The following GPC6 variants were observed in gnomAD, a reference collection of about 807,000 sequenced individuals.
The protein encoded by GPC6 is glypican-6.
In GPC6, 14 loss-of-function variants were observed where a neutral mutation model predicts 55.2. That is an observed-to-expected ratio of 0.25 (90% CI 0.17 to 0.40). GPC6 has a LOEUF of 0.40. GPC6 is among the 10% of genes least tolerant of loss of function. GPC6 has a pLI of 1.00. For missense variants in GPC6, 641 were observed against 708.5 expected (o/e 0.90, Z 1.08); for synonymous variants, 278 against 259.6 (o/e 1.07, Z -0.68).
intron 1 of GPC6, among the ~76,000 whole-genome samples, chr13:93,330,316 G>A (rs1879799861): frequency 6.6e-6 from 1 of 152,120 alleles, no homozygotes; most frequent in Non-Finnish European, 1.5e-5. Context: ...CTTGAGCCCA[G>A]GAGTTTGAGA....
chr13:94,273,569 G>A (rs1304690947), intron 4 of GPC6, among the ~76,000 whole-genome samples: 1 of 152,156 alleles, frequency 6.6e-6, no homozygotes, highest in Non-Finnish European at 1.5e-5. Flanking sequence ...CTTGTAAAAT[G>A]GTGAAGCACG....
intron 4 of GPC6, among the ~76,000 whole-genome samples, chr13:94,169,351 T>C (rs1198184670): frequency 6.6e-6 from 1 of 152,102 alleles, no homozygotes; most frequent in African/African-American, 2.4e-5. Flanking sequence ...GGATTTTAAA[T>C]ACTTTAAAGT....
At chr13:93,461,344 A>G (rs905325443) in intron 1 of GPC6, among the ~76,000 whole-genome samples, 3 of 152,146 alleles carry the variant, frequency 2.0e-5, no homozygotes, top group Non-Finnish European at 2.9e-5. Flanking sequence ...TCAGCAATCA[A>G]GTTTTTCCTT....
intron 4 of GPC6, among the ~76,000 whole-genome samples, chr13:94,235,965 A>G (rs111767749): frequency 6.6e-6 from 1 of 152,200 alleles, no homozygotes; most frequent in Non-Finnish European, 1.5e-5. Flanking sequence ...CTTGTCCAGT[A>G]TTAATAACAA....
At chr13:93,440,012 C>T (rs1877728212) in intron 1 of GPC6, among the ~76,000 whole-genome samples, 1 of 152,258 alleles carries the variant, frequency 6.6e-6, no homozygotes, top group Non-Finnish European at 1.5e-5. Context: ...CACAGACAAT[C>T]AACAATACCC....
chr13:93,810,890 A>G (rs905234876), intron 2 of GPC6, among the ~76,000 whole-genome samples: 2 of 152,194 alleles, frequency 1.3e-5, no homozygotes, highest in African/African-American at 4.8e-5. Context: ...TAAGAAACTG[A>G]TAACCAGTTT....
At chr13:93,723,893 C>G (rs553412990) in intron 2 of GPC6, among the ~76,000 whole-genome samples, 1 of 151,928 alleles carries the variant, frequency 6.6e-6, no homozygotes, top group Non-Finnish European at 1.5e-5. Flanking sequence ...ATAAAGATCT[C>G]TCTGTCTTTC....
chr13:93,391,026 G>A (rs1875611982), intron 1 of GPC6, among the ~76,000 whole-genome samples: 2 of 151,988 alleles, frequency 1.3e-5, no homozygotes, highest in African/African-American at 4.8e-5. Flanking sequence ...ATCATGGGTA[G>A]TGTGCCTGGT....
chr13:93,861,628 T>C (rs1414612622), intron 3 of GPC6, among the ~76,000 whole-genome samples: 1 of 151,650 alleles, frequency 6.6e-6, no homozygotes, highest in African/African-American at 2.4e-5. Context: ...GTTTTGCTTT[T>C]ATTGCAGCTG....
chr13:93,686,974 T>C (rs1043740145), intron 2 of GPC6, among the ~76,000 whole-genome samples: 2 of 152,058 alleles, frequency 1.3e-5, no homozygotes, highest in Non-Finnish European at 2.9e-5. Context: ...AAAGCCTATA[T>C]AACATTTTAT....
chr13:93,591,990 A>G (rs1877512293), intron 2 of GPC6, among the ~76,000 whole-genome samples: 1 of 152,206 alleles, frequency 6.6e-6, no homozygotes, highest in Admixed American at 6.5e-5. Flanking sequence ...TTCTTTGAAC[A>G]TCAAAAGTTA....
intron 4 of GPC6, among the ~76,000 whole-genome samples, chr13:94,282,716 A>T (rs956269599): frequency 6.6e-6 from 1 of 152,202 alleles, no homozygotes; most frequent in African/African-American, 2.4e-5. Flanking sequence ...TCTAGGCTCA[A>T]CTGGGACTGT....
chr13:93,388,090 C>T (rs956001424), intron 1 of GPC6, among the ~76,000 whole-genome samples: 8 of 152,112 alleles, frequency 5.3e-5, no homozygotes, highest in Non-Finnish European at 1.2e-4. Context: ...ATATGATTGT[C>T]CCTGCTTTAG....
intron 6 of GPC6, among the ~76,000 whole-genome samples, chr13:94,311,133 A>T (rs1330358919): frequency 6.6e-6 from 1 of 152,104 alleles, no homozygotes; most frequent in African/African-American, 2.4e-5. Context: ...GGACAAGAAC[A>T]CTCAGGCTAT....
At chr13:93,220,045 T>A in the GPC6 span, among the ~76,000 whole-genome samples, 533 of 152,338 alleles carry the variant, frequency 3.5e-3, 3 homozygotes, top group African/African-American at 0.012. Flanking sequence ...GGTTTTCCCG[T>A]AAAATATTCC....
chr13:93,832,597 T>G (rs1169772538), intron 3 of GPC6, among the ~76,000 whole-genome samples: 1 of 152,156 alleles, frequency 6.6e-6, no homozygotes, highest in Non-Finnish European at 1.5e-5. Context: ...TCTAGCAAAG[T>G]GTCTACAAAG....
intron 4 of GPC6, among the ~76,000 whole-genome samples, chr13:94,201,064 A>C (rs565295421): frequency 1.3e-5 from 2 of 152,342 alleles, no homozygotes; most frequent in Non-Finnish European, 2.9e-5. Context: ...TAACATTATC[A>C]AGGCTGTCAG....
At position 93,502,685 on chromosome 13, in the gene GPC6, G is replaced by T. The variant is rs34267061; in HGVS notation, c.161-42578G>T. Among the ~76,000 whole-genome samples, 386 of 152,148 alleles carry T rather than the reference G, an allele frequency of 2.5e-3. 1 individual carries two copies. Among genetic ancestry groups the T allele is most frequent in the Admixed American group, 6.4e-3 (98 of 15,256 alleles). On this transcript the variant is annotated intron_variant, in intron 1 of 8. Transcript: ENST00000377047. ...AGCTATAGAGATAGTATGTTATAAC[G>T]TTTTTCTGTATTATTATCATGCTTT...
intron 4 of GPC6, among the ~76,000 whole-genome samples, chr13:94,077,462 A>AT (rs983390617): frequency 4.8e-4 from 72 of 150,326 alleles, no homozygotes; most frequent in Middle Eastern, 3.4e-3. Flanking sequence ...GAAGCCTTTT[A>AT]TTTTTTTTTC....
Sources: gnomAD v4.1 joint callset for allele counts (sites outside exome capture counted in the v4.1 genomes callset) on GRCh38, gnomAD v4.1.1 for gene constraint, MANE v1.5 for transcripts, NCBI Gene and HGNC (gene_info 2026-07-23, HGNC 2026-07-21) for gene names.